RELL2: variants seen among roughly 807,000 people sequenced by gnomAD.
The protein encoded by RELL2 is RELT-like protein 2.
A neutral mutation model predicts 27.5 loss-of-function variants in RELL2; 18 were observed. The ratio of observed to expected loss-of-function variants is 0.65; its 90% CI spans 0.45 to 0.97. The LOEUF (loss-of-function observed/expected upper bound fraction) is 0.97, where lower values mean the gene tolerates loss of function less well. Ranked by LOEUF, RELL2 falls within the 50% of genes least tolerant of loss-of-function variation. The pLI is 0.00. For missense variants in RELL2, 370 were observed against 397.5 expected (o/e 0.93, Z 0.59); for synonymous variants, 156 against 147.5 (o/e 1.06, Z -0.42).
At chr5:141,640,504 A>T in intron 6 of RELL2, 59 bp downstream of exon 6, 1 of 1,613,732 alleles carries the variant, frequency 6.2e-7, no homozygotes, top group Non-Finnish European at 8.5e-7. Flanking sequence ...TACTTAAACT[A>T]TTTAAGCCTT....
intron 6 of RELL2, 40 bp from the exon 7 acceptor site, chr5:141,640,631 T>C (rs576935504): frequency 1.3e-6 from 2 of 1,539,166 alleles, no homozygotes; most frequent in African/African-American, 1.4e-5. Context: ...GGACACAGCT[T>C]GAACAGGAAG....
rs764341429 is a variant in RELL2, at chr5:141,638,342, C to G, written c.117C>G (p.Leu39=). The G allele has an allele frequency of 1.1e-5, 17 of 1,613,856 alleles. No individual in the cohort carries two copies. Among genetic ancestry groups the G allele is most frequent in the Non-Finnish European group, 1.4e-5 (16 of 1,180,014 alleles). ...TAGGCTTCATGATCTGCCACGTGCT[C>G]AAGAAGAAGGGCTACCGCTGCCGCA... ...GLVGFMICHV[L]KKKGYRCRTS... is the part of the protein sequence containing the mutation. Residue 39 remains leucine, a synonymous_variant, in exon 1 of 7, where the codon CTC becomes CTG. Transcript: ENST00000297164.
In RELL2 at chr5:141,638,956, C is replaced by T. The variant is rs746485998; in HGVS notation, c.252C>T (p.Ala84=). ...RIVRCIIQNE[A]NAEALKEMLG... ...TCCCTCTTTTCCTTCTTCCCTCAGC[C>T]AATGCTGAGGCCTTGAAGGAGATGC... The change falls in exon 3 of 7, where the codon GCC becomes GCT. Residue 84 remains alanine, a splice_region_variant and synonymous_variant. Transcript: ENST00000297164. The T allele has an allele frequency of 1.2e-6, 2 of 1,613,728 alleles. No individual in the cohort carries two copies. The highest frequency in any genetic ancestry group is 1.7e-6 in the Non-Finnish European group (2 of 1,179,594).
rs752016690 is a variant in RELL2 at position 141,638,384 on chromosome 5, G to C, written c.159G>C (p.Glu53Asp). 2 of 1,611,988 alleles carry C rather than the reference G, an allele frequency of 1.2e-6. No individual in the cohort carries two copies. Among genetic ancestry groups the C allele is most frequent in the Non-Finnish European group, 1.7e-6 (2 of 1,179,662 alleles). ...GCTGCCGCACGTCGAGGGGCTCTGA[G>C]CCTGACGATGCCCAGCTTCAGCCCC... ...GYRCRTSRGS[E>D]PDDAQLQPPE... The change falls in exon 1 of 7, where the codon GAG (glutamate) becomes GAC (aspartate). Residue 53 changes from glutamate to aspartate, a missense_variant. Glu to Asp is a conservative substitution (Grantham distance 45). Coordinates refer to ENST00000297164, the MANE Select transcript of RELL2 (RefSeq NM_173828.5).
chr5:141,639,140 T>C lies in RELL2; in HGVS notation c.317+119T>C. The C allele has an allele frequency of 1.2e-6, 1 of 824,522 alleles. No individual in the cohort carries two copies. Among genetic ancestry groups the C allele is most frequent in the Non-Finnish European group, 1.9e-6 (1 of 527,634 alleles). The allele number at this position is 824,522 out of a possible 1,614,324, so 51.1% of individuals were successfully genotyped here. On this transcript the variant is annotated intron_variant, in intron 3 of 6. Coordinates refer to ENST00000297164, the MANE Select transcript of RELL2 (RefSeq NM_173828.5). The surrounding 1 kb of genome is among the most constrained non-coding windows in gnomAD (Gnocchi z 4.4). ...GGGTTGGGGGAAGGGCAAAGCTGGC[T>C]AACTTATAGGAAGAAAGTTGTTTTG...
In RELL2 at chr5:141,639,822, G is replaced by A. The variant is rs550054398; in HGVS notation, c.504-98G>A. ...AGGCCTCCCCTACCTTAGGCCAGAGGGAAGTAGCCACCAAACTCAGGATGT... is the reference window on the plus strand; with the variant it reads ...AGGCCTCCCCTACCTTAGGCCAGAGAGAAGTAGCCACCAAACTCAGGATGT... On this transcript the variant is annotated intron_variant, in intron 4 of 6. Transcript: ENST00000297164. This position sits in a 1 kb window ranked among gnomAD's most constrained non-coding sequence, Gnocchi z 4.4. The A allele has an allele frequency of 5.6e-5, 79 of 1,399,712 alleles. 1 individual carries two copies. In the African/African-American group the frequency reaches 7.5e-4, roughly 13 times the overall value. 86.7% of individuals were successfully genotyped at this position (1,399,712 alleles called of 1,614,324 possible).
At position 141,640,969 on chromosome 5, in the gene RELL2, A is replaced by T. The variant is rs2099906819; in HGVS notation, c.*300A>T. The T allele has an allele frequency of 6.3e-6, 3 of 476,402 alleles. No individual in the cohort carries two copies. The allele number at this position is 476,402 out of a possible 1,614,324, so 29.5% of individuals were successfully genotyped here. ...CGTGGTGGGCCCCTAAAGCAATAGCACCGTAGGCCCCCTGCCCTCTTAGCA... is the reference window on the plus strand; with the variant it reads ...CGTGGTGGGCCCCTAAAGCAATAGCTCCGTAGGCCCCCTGCCCTCTTAGCA... On this transcript the variant is annotated 3_prime_UTR_variant, in exon 7 of 7. Coordinates refer to ENST00000297164, the MANE Select transcript of RELL2 (RefSeq NM_173828.5).
chr5:141,638,980 G>C lies in RELL2; in HGVS notation c.276G>C (p.Met92Ile), dbSNP rs370511249. ...NEANAEALKE[M>I]LGDSEGEGTV... is the part of the protein sequence containing the mutation. ...CCAATGCTGAGGCCTTGAAGGAGAT[G>C]CTGGGGGACAGTGAAGGAGAAGGGA... Residue 92 changes from methionine (M) to isoleucine (I), a missense_variant, in exon 3 of 7, where the codon ATG becomes ATC. Physicochemically the swap from Met to Ile is conservative, Grantham distance 10. Coordinates refer to ENST00000297164, the MANE Select transcript of RELL2 (RefSeq NM_173828.5). 1 of 1,614,058 alleles carries C rather than the reference G, an allele frequency of 6.2e-7. No individual in the cohort carries two copies. Among genetic ancestry groups the C allele is most frequent in the East Asian group, 2.2e-5 (1 of 44,896 alleles).
At chr5:141,638,505 C>A in intron 1 of RELL2, 96 bp downstream of exon 1, 1 of 1,200,140 alleles carries the variant, frequency 8.3e-7, no homozygotes, top group Non-Finnish European at 1.2e-6. Flanking sequence ...AAATCCTGAT[C>A]AAACCTGCTC....
intron 2 of RELL2, 30 bp from the exon 3 acceptor site, chr5:141,638,925 A>C: frequency 2.5e-6 from 4 of 1,613,270 alleles, no homozygotes; most frequent in Non-Finnish European, 3.4e-6. Context: ...CTCCACCTCC[A>C]CTGACTCCCT....
In RELL2 at chr5:141,639,002, G is replaced by A; in HGVS notation, c.298G>A (p.Gly100Arg). 6.2e-7 allele frequency: 1 copy of A among 1,614,084 alleles called. No homozygotes were observed. The highest frequency in any genetic ancestry group is 8.5e-7 in the Non-Finnish European group (1 of 1,180,004). ...GATGCTGGGGGACAGTGAAGGAGAA[G>A]GGACAGTGCAGCTGTCCAGGTGAGC... ...KEMLGDSEGEGTVQLSSVDAT... is the reference protein window; with the variant it reads ...KEMLGDSEGERTVQLSSVDAT... Residue 100 changes from glycine to arginine, a missense_variant, in exon 3 of 7, where the codon GGG becomes AGG. Physicochemically the swap from Gly to Arg is moderately radical, Grantham distance 125. Coordinates refer to ENST00000297164, the MANE Select transcript of RELL2 (RefSeq NM_173828.5). The surrounding 1 kb of genome is among the most constrained non-coding windows in gnomAD (Gnocchi z 4.4).
Position 141,639,500 on chromosome 5 carries a change from C to T in RELL2, c.354C>T (p.Pro118=). The change falls in exon 4 of 7, where the codon CCC becomes CCT. Residue 118 remains proline (P), a synonymous_variant. Coordinates refer to ENST00000297164, the MANE Select transcript of RELL2 (RefSeq NM_173828.5). The surrounding 1 kb of genome is among the most constrained non-coding windows in gnomAD (Gnocchi z 4.4). ...DATSSLQDGA[P]SHHHTVHLGS... Reference sequence around the variant, plus strand: ...CCTCCAGCCTGCAGGACGGAGCCCCCTCCCATCATCACACAGTGCACCTGG... The same window carrying T: ...CCTCCAGCCTGCAGGACGGAGCCCCTTCCCATCATCACACAGTGCACCTGG... 1 of 1,613,986 alleles carries T rather than the reference C, an allele frequency of 6.2e-7. No homozygotes were observed. The highest frequency in any genetic ancestry group is 8.5e-7 in the Non-Finnish European group (1 of 1,179,952).
At position 141,639,695 on chromosome 5, in the gene RELL2, A is replaced by C. The variant is rs1238352040; in HGVS notation, c.503+46A>C. ...AAAGGGGGGCTGAGGTAGGGGGCCC[A>C]GTGATCAGGCACCTGATCCCAAAAG... On this transcript the variant is annotated intron_variant, in intron 4 of 6. Transcript: ENST00000297164. This position sits in a 1 kb window ranked among gnomAD's most constrained non-coding sequence, Gnocchi z 4.4. The C allele has an allele frequency of 6.5e-7, 1 of 1,539,654 alleles. No homozygotes were observed. Among genetic ancestry groups the C allele is most frequent in the Admixed American group, 1.9e-5 (1 of 51,704 alleles).
Position 141,639,432 on chromosome 5 carries a change from T to C in RELL2, c.318-32T>C. The C allele has an allele frequency of 6.5e-7, 1 of 1,547,094 alleles. No individual in the cohort carries two copies. The highest frequency in any genetic ancestry group is 8.8e-7 in the Non-Finnish European group (1 of 1,136,228). On this transcript the variant is annotated intron_variant, in intron 3 of 6. Transcript: ENST00000297164. The surrounding 1 kb of genome is among the most constrained non-coding windows in gnomAD (Gnocchi z 4.4). ...CAAAACATGAAGGGAAATGGAAATG[T>C]TACCCTCACTCCCCTCCTCCCTGCT...
In RELL2 at chr5:141,639,993, T is replaced by C; in HGVS notation, c.577T>C (p.Trp193Arg). The change falls in exon 5 of 7, where the codon TGG becomes CGG. Residue 193 changes from tryptophan (W) to arginine (R), a missense_variant. Physicochemically the swap from Trp to Arg is moderately radical, Grantham distance 101. Coordinates refer to ENST00000297164, the MANE Select transcript of RELL2 (RefSeq NM_173828.5). The surrounding 1 kb of genome is among the most constrained non-coding windows in gnomAD (Gnocchi z 4.4). ...TGATGGCTCCCCCACAGACAGGAGC[T>C]GGGGCTCTGGTGGGGGACAGGACCC... is the stretch of plus-strand genomic sequence containing the variant. Reference protein sequence around the residue: ...HRDGSPTDRSWGSGGGQDPGG... With the variant: ...HRDGSPTDRSRGSGGGQDPGG... 1 of 1,613,562 alleles carries C rather than the reference T, an allele frequency of 6.2e-7. No individual in the cohort carries two copies. Among genetic ancestry groups the C allele is most frequent in the Non-Finnish European group, 8.5e-7 (1 of 1,179,788 alleles).
Position 141,639,651 on chromosome 5 carries a change from TG to T in RELL2, c.503+6del, listed in dbSNP as rs748083136. The T allele has an allele frequency of 1.3e-5, 20 of 1,594,754 alleles. No homozygotes were observed. In the South Asian group the frequency reaches 2.2e-4, roughly 18 times the overall value. The stretch of plus-strand genomic sequence containing the variant: ...GACCACTGTGTTCTCTGTGGGCAGG[TG>T]GGGCAGGTGCTCCAGGGAAAGGGGG... On this transcript the variant is annotated splice_donor_region_variant and intron_variant, in intron 4 of 6. Coordinates refer to ENST00000297164, the MANE Select transcript of RELL2 (RefSeq NM_173828.5). The surrounding 1 kb of genome is among the most constrained non-coding windows in gnomAD (Gnocchi z 4.4).
Position 141,638,377 on chromosome 5 carries a change from G to A in RELL2, c.152G>A (p.Gly51Asp), listed in dbSNP as rs374162574. ...KKGYRCRTSR[G>D]SEPDDAQLQP... is the part of the protein sequence containing the mutation. ...GGCTACCGCTGCCGCACGTCGAGGG[G>A]CTCTGAGCCTGACGATGCCCAGCTT... Residue 51 changes from glycine (G) to aspartate (D), a missense_variant, in exon 1 of 7, where the codon GGC (glycine) becomes GAC (aspartate). By Grantham distance (94) the Gly-to-Asp change is moderately conservative (BLOSUM62 -1). Coordinates refer to ENST00000297164, the MANE Select transcript of RELL2 (RefSeq NM_173828.5). 6.2e-6 allele frequency: 10 copies of A among 1,612,886 alleles called. No individual in the cohort carries two copies. In the African/African-American group the frequency reaches 1.2e-4, roughly 19 times the overall value.
At position 141,639,778 on chromosome 5, in the gene RELL2, T is replaced by C. The variant is rs974225892; in HGVS notation, c.503+129T>C. The C allele has an allele frequency of 2.3e-6, 3 of 1,279,184 alleles. No individual in the cohort carries two copies. The highest frequency in any genetic ancestry group is 3.3e-6 in the Non-Finnish European group (3 of 906,128). The allele number at this position is 1,279,184 out of a possible 1,614,324, so 79.2% of individuals were successfully genotyped here. ...CTCCGGCAGAAGTCAGGCTACACAATGTGCCCCACAATCTGAGAAGGCCTC... is the reference window on the plus strand; with the variant it reads ...CTCCGGCAGAAGTCAGGCTACACAACGTGCCCCACAATCTGAGAAGGCCTC... On this transcript the variant is annotated intron_variant, in intron 4 of 6. Transcript: ENST00000297164. The surrounding 1 kb of genome is among the most constrained non-coding windows in gnomAD (Gnocchi z 4.4).
intron 1 of RELL2, 122 bp from the exon 2 acceptor site, chr5:141,638,673 C>A: frequency 1.1e-6 from 1 of 897,910 alleles, no homozygotes; most frequent in South Asian, 1.4e-5. Context: ...ATGCTGAGGT[C>A]CAGCATGATA....
Sources: gnomAD v4.1 joint callset for allele counts on GRCh38, gnomAD v4.1.1 for gene constraint, Gnocchi (gnomAD v3.1) non-coding constraint, MANE v1.5 for transcripts, NCBI Gene and HGNC (gene_info 2026-07-23, HGNC 2026-07-21) for gene names.